Variants in ERCC6 observed in about 807,000 individuals in gnomAD.
ERCC6 encodes the protein ERCC excision repair 6, chromatin remodeling factor, also known as DNA excision repair protein ERCC-6.
In ERCC6, 116 loss-of-function variants were observed where a neutral mutation model predicts 158.7. The ratio of observed to expected loss-of-function variants is 0.73; its 90% CI spans 0.63 to 0.85. The LOEUF (loss-of-function observed/expected upper bound fraction) is 0.85. Ranked by LOEUF, ERCC6 falls within the 40% of genes least tolerant of loss-of-function variation. The probability of loss-of-function intolerance (pLI) is 0.00; values close to 1 mark genes in which losing one functional copy is unlikely to be tolerated. For missense variants in ERCC6, 1,698 were observed against 1,799.4 expected (o/e 0.94, Z 1.02); for synonymous variants, 678 against 659.3 (o/e 1.03, Z -0.43).
chr10:49,498,358 C>T (rs1436618340), intron 7 of ERCC6, among the ~76,000 whole-genome samples: 1 of 152,132 alleles, frequency 6.6e-6, no homozygotes, highest in East Asian at 1.9e-4. Flanking sequence ...ACAGCTCACA[C>T]AGAACTTCAT....
chr10:49,489,830 A>T (rs1851141311), intron 8 of ERCC6, among the ~76,000 whole-genome samples: 1 of 152,232 alleles, frequency 6.6e-6, no homozygotes, highest in Non-Finnish European at 1.5e-5. Context: ...GTATCACAAG[A>T]CTGCCTTCTT....
the ERCC6 span, among the ~76,000 whole-genome samples, chr10:49,442,868 CA>C: frequency 6.6e-6 from 1 of 152,178 alleles, no homozygotes; most frequent in South Asian, 2.1e-4. Context: ...ACTTGCTCAG[CA>C]AAATGTAATT....
At chr10:49,461,867 G>C (rs1283693206) in intron 18 of ERCC6, among the ~76,000 whole-genome samples, 1 of 152,160 alleles carries the variant, frequency 6.6e-6, no homozygotes, top group Non-Finnish European at 1.5e-5. Flanking sequence ...AATGTGTAAA[G>C]CCTATATGGA....
intron 8 of ERCC6, among the ~76,000 whole-genome samples, chr10:49,484,563 G>C (rs1268122584): frequency 6.6e-6 from 1 of 152,022 alleles, no homozygotes; most frequent in Admixed American, 6.6e-5. Context: ...AACAAAGCAA[G>C]ACCCTGTCTC....
At chr10:49,517,941 AAATTCAGATTTTGGGAGAGTTT>A (rs1173750304) in intron 5 of ERCC6, among the ~76,000 whole-genome samples, 4 of 152,264 alleles carry the variant, frequency 2.6e-5, no homozygotes, top group Non-Finnish European at 4.4e-5. Flanking sequence ...AACTTTTACT[AAATTCAGATTTTGGGAGAGTTT>A]TGTTTTTTCT....
At chr10:49,473,629 C>G in intron 13 of ERCC6, 42 bp from the exon 14 acceptor site, 1 of 1,076,748 alleles carries the variant, frequency 9.3e-7, no homozygotes, top group South Asian at 1.2e-5. Flanking sequence ...AGCAAATACA[C>G]ATTCCCAGTG....
chr10:49,516,345 C>T (rs1398522526), intron 5 of ERCC6: 2 of 1,614,132 alleles, frequency 1.2e-6, no homozygotes, highest in Non-Finnish European at 1.7e-6. Flanking sequence ...AAATTTCATG[C>T]ATCTCTCATT....
the ERCC6 span, among the ~76,000 whole-genome samples, chr10:49,438,762 C>T: frequency 5.9e-5 from 9 of 152,176 alleles, no homozygotes; most frequent in Non-Finnish European, 1.0e-4. Flanking sequence ...TTACTTCCTA[C>T]ATAGAATGGA....
At chr10:49,517,502 G>T (rs1459296492) in intron 5 of ERCC6, among the ~76,000 whole-genome samples, 1 of 152,142 alleles carries the variant, frequency 6.6e-6, no homozygotes, top group Admixed American at 6.5e-5. Flanking sequence ...TGAGCAGTAG[G>T]GCATGAATAA....
At chr10:49,478,752 T>C (rs1850923687) in intron 10 of ERCC6, among the ~76,000 whole-genome samples, 1 of 152,220 alleles carries the variant, frequency 6.6e-6, no homozygotes, top group African/African-American at 2.4e-5. Context: ...ATTTCTCTTA[T>C]ACACTTTCCT....
At chr10:49,451,712 G>T (rs1185936917), downstream of ERCC6, among the ~76,000 whole-genome samples, 1 of 152,082 alleles carries the variant, frequency 6.6e-6, no homozygotes, top group Non-Finnish European at 1.5e-5. Flanking sequence ...AAGACATATT[G>T]GTCTGCAGTT....
At chr10:49,493,794 A>G (rs994194702) in intron 7 of ERCC6, among the ~76,000 whole-genome samples, 3 of 152,226 alleles carry the variant, frequency 2.0e-5, no homozygotes, top group Admixed American at 2.0e-4. Flanking sequence ...AGGGCTGCCT[A>G]GCAGCCAGTC....
chr10:49,452,910 C>A (rs1850436244), downstream of ERCC6, among the ~76,000 whole-genome samples: 1 of 152,026 alleles, frequency 6.6e-6, no homozygotes, highest in South Asian at 2.1e-4. Context: ...ATTGTTTGCA[C>A]TATTTCTTTT....
the ERCC6 span, among the ~76,000 whole-genome samples, chr10:49,445,501 A>G: frequency 1.2e-4 from 18 of 152,388 alleles, 1 homozygote; most frequent in African/African-American, 3.8e-4. Context: ...GAAAAGTAAC[A>G]TAAAAATGAA....
intron 11 of ERCC6, 145 bp from the exon 12 acceptor site, chr10:49,476,455 G>C (rs1007383500): frequency 3.1e-6 from 2 of 636,520 alleles, no homozygotes; most frequent in East Asian, 2.9e-5. Flanking sequence ...AAACAACAAA[G>C]GGTGACAATA....
chr10:49,504,533 AAAT>A (rs1851411949), intron 6 of ERCC6: 1 of 152,162 alleles, frequency 6.6e-6, no homozygotes, highest in African/African-American at 2.4e-5. Flanking sequence ...CACTTACTAC[AAAT>A]ACACAGAAGT....
At position 49,474,007 on chromosome 10, in the gene ERCC6, T is replaced by C; in HGVS notation, c.2598+20A>G. The C allele has an allele frequency of 6.2e-7, 1 of 1,608,916 alleles. No homozygotes were observed. The highest frequency in any genetic ancestry group is 8.5e-7 in the Non-Finnish European group (1 of 1,175,748). The stretch of plus-strand genomic sequence containing the variant: ...TCATAAAGAACCAGCCTGTTTCCCG[T>C]CTGAAGTCTGTGCACTCACCTGCCT... On this transcript the variant is annotated intron_variant, in intron 13 of 20. Coordinates refer to ENST00000355832, the MANE Select transcript of ERCC6 (RefSeq NM_000124.4).
chr10:49,530,650 C>T, intron 3 of ERCC6, 70 bp downstream of exon 3: 1 of 1,586,932 alleles, frequency 6.3e-7, no homozygotes, highest in Non-Finnish European at 8.6e-7. Flanking sequence ...TTTTAAAATA[C>T]TTCCTAAATT....
chr10:49,468,832 T>C (rs922497772), intron 18 of ERCC6, among the ~76,000 whole-genome samples: 4 of 152,110 alleles, frequency 2.6e-5, no homozygotes, highest in African/African-American at 7.2e-5. Flanking sequence ...GCTCAGCATA[T>C]ATTAGTATGC....
Sources: gnomAD v4.1 joint callset for allele counts (sites outside exome capture counted in the v4.1 genomes callset) on GRCh38, gnomAD v4.1.1 for gene constraint, MANE v1.5 for transcripts, NCBI Gene and HGNC (gene_info 2026-07-23, HGNC 2026-07-21) for gene names.